USH2A: variants seen among roughly 807,000 people sequenced by gnomAD.
USH2A encodes Usher syndrome 2A (autosomal recessive, mild).
A neutral mutation model predicts 538.9 loss-of-function variants in USH2A; 443 were observed. That is an observed-to-expected ratio of 0.82 (90% confidence interval 0.76 to 0.89). The LOEUF (loss-of-function observed/expected upper bound fraction) is 0.89. USH2A is among the 40% of genes least tolerant of loss of function. The pLI is 0.00. For missense variants in USH2A, 6,633 were observed against 6,324.8 expected, an observed-to-expected ratio of 1.05 and a Z score of -1.65; for synonymous variants, 2,413 against 2,273.5, an observed-to-expected ratio of 1.06 and a Z score of -1.75.
intron 46 of USH2A, among the ~76,000 whole-genome samples, chr1:215,842,917 G>A (rs112735413): frequency 0.039 from 5,992 of 151,776 alleles, 143 homozygotes; most frequent in African/African-American, 0.069. Flanking sequence ...CATGGCATAC[G>A]TTTACCTAGG....
At chr1:216,369,829 G>A (rs1053440644) in intron 3 of USH2A, among the ~76,000 whole-genome samples, 39 of 150,948 alleles carry the variant, frequency 2.6e-4, no homozygotes, top group East Asian at 7.9e-4. Context: ...AGGCTGAGGC[G>A]GGAGAATCTT....
chr1:215,660,789 G>A (rs1203011811), intron 64 of USH2A, among the ~76,000 whole-genome samples: 4 of 152,120 alleles, frequency 2.6e-5, no homozygotes, highest in South Asian at 2.1e-4. Context: ...AGAGAGAACC[G>A]TACAGTTTTC....
intron 1 of USH2A, 49 bp from the exon 2 acceptor site, chr1:216,422,589 A>T: frequency 2.1e-6 from 1 of 477,514 alleles, no homozygotes; most frequent in South Asian, 2.1e-5. Flanking sequence ...TGCACCTTTA[A>T]AACTGAAGCT....
At chr1:215,924,030 C>T (rs887619179) in intron 38 of USH2A, among the ~76,000 whole-genome samples, 6 of 151,876 alleles carry the variant, frequency 4.0e-5, no homozygotes, top group African/African-American at 1.2e-4. Flanking sequence ...CCAGCCCATT[C>T]GTTTTATCTT....
intron 4 of USH2A, among the ~76,000 whole-genome samples, chr1:216,358,545 T>C (rs1453816357): frequency 1.3e-5 from 2 of 152,132 alleles, no homozygotes; most frequent in Non-Finnish European, 2.9e-5. Context: ...TCTGTACCTA[T>C]CTCTTTTCTG....
At chr1:216,077,937 A>C in intron 27 of USH2A, 152 bp downstream of exon 27, 1 of 912,086 alleles carries the variant, frequency 1.1e-6, no homozygotes, top group Non-Finnish European at 1.7e-6. Context: ...TGTTTTCATT[A>C]GTTTTTAAGG....
chr1:216,176,953 G>A (rs1361393952), intron 20 of USH2A, among the ~76,000 whole-genome samples: 5 of 152,150 alleles, frequency 3.3e-5, no homozygotes, highest in Admixed American at 2.6e-4. Flanking sequence ...TTCATCTACT[G>A]ATGAAATATC....
intron 21 of USH2A, among the ~76,000 whole-genome samples, chr1:216,145,449 T>A (rs889021919): frequency 2.0e-5 from 3 of 152,210 alleles, no homozygotes; most frequent in African/African-American, 7.2e-5. Context: ...CAAAAATTGT[T>A]TTAAAGGTTA....
intron 11 of USH2A, among the ~76,000 whole-genome samples, chr1:216,261,576 GA>G (rs148438532): frequency 9.5e-4 from 144 of 151,226 alleles, no homozygotes; most frequent in African/African-American, 3.3e-3. Context: ...ACACCAAAAG[GA>G]AAAAAAATTA....
chr1:216,070,005 T>C (rs934175899), intron 30 of USH2A, 96 bp downstream of exon 30: 8 of 1,404,090 alleles, frequency 5.7e-6, no homozygotes, highest in South Asian at 1.2e-5. Context: ...GTATATTTAA[T>C]ACATTTTTCT....
chr1:216,175,557 A>G (rs754918286), intron 20 of USH2A, 75 bp from the exon 21 acceptor site: 15 of 1,321,534 alleles, frequency 1.1e-5, no homozygotes, highest in Non-Finnish European at 1.5e-5. Flanking sequence ...ACATATACGT[A>G]TATATGTATT....
chr1:215,866,926 A>G, intron 44 of USH2A, 81 bp downstream of exon 44: 5 of 1,584,662 alleles, frequency 3.2e-6, no homozygotes, highest in Non-Finnish European at 4.3e-6. Flanking sequence ...TGATGTGTAC[A>G]TGGGGGAGGT....
At chr1:215,655,634 T>C (rs1394183489) in intron 64 of USH2A, among the ~76,000 whole-genome samples, 1 of 151,766 alleles carries the variant, frequency 6.6e-6, no homozygotes, top group Non-Finnish European at 1.5e-5. Context: ...GAAGGGACCA[T>C]CAGTCTGCAC....
chr1:215,964,636 C>G (rs1489910631), intron 37 of USH2A, among the ~76,000 whole-genome samples: 1 of 152,128 alleles, frequency 6.6e-6, no homozygotes, highest in Non-Finnish European at 1.5e-5. Context: ...AATAGTAAGG[C>G]CACTCCTGGA....
At chr1:216,371,237 A>C (rs2038708778) in intron 3 of USH2A, among the ~76,000 whole-genome samples, 1 of 152,212 alleles carries the variant, frequency 6.6e-6, no homozygotes. Context: ...GAGCTTACAT[A>C]AATGTAAAGA....
At chr1:215,627,691 A>AATTTTTGT (rs1656108522) in intron 71 of USH2A, among the ~76,000 whole-genome samples, 1 of 151,928 alleles carries the variant, frequency 6.6e-6, no homozygotes, top group African/African-American at 2.4e-5. Context: ...GCGCCCAGCT[A>AATTTTTGT]ATTTTTGTAT....
At chr1:215,780,512 G>A (rs78956524) in intron 54 of USH2A, among the ~76,000 whole-genome samples, 1,892 of 152,164 alleles carry the variant, frequency 0.012, 39 homozygotes, top group African/African-American at 0.043. Context: ...CAGACATTTC[G>A]GTACTCTTCC....
rs139100097 is a variant in USH2A at position 215,845,942 on chromosome 1, T to C, written c.8937A>G (p.Val2979=). ...SNDSLKILPD[V]NSHVIGHLKP... ...TTAGGTGGCCAATGACATGAGAGTTTACATCTGGCAAGATTTTTAGAGAGT... is the reference window on the plus strand; with the variant it reads ...TTAGGTGGCCAATGACATGAGAGTTCACATCTGGCAAGATTTTTAGAGAGT... Residue 2979 remains valine, a synonymous_variant, in exon 45 of 72, where the codon GTA becomes GTG. Transcript: ENST00000307340. 7.1e-4 allele frequency: 1,146 copies of C among 1,613,966 alleles called. 13 individuals carry two copies. In the African/African-American group the frequency reaches 0.013, roughly 18 times the overall value.
chr1:215,705,126 T>A (rs933265813), intron 61 of USH2A, among the ~76,000 whole-genome samples: 1 of 152,236 alleles, frequency 6.6e-6, no homozygotes. Flanking sequence ...ACACTGTTAT[T>A]TTTTTAAAAA....
Sources: allele counts gnomAD v4.1 joint callset (sites outside exome capture counted in the v4.1 genomes callset), GRCh38; gene constraint gnomAD v4.1.1; transcripts MANE v1.5; gene names NCBI Gene and HGNC (gene_info 2026-07-23, HGNC 2026-07-21).